ASIC2: variants seen among roughly 807,000 people sequenced by gnomAD.
The protein encoded by ASIC2 is acid-sensing ion channel 2.
A neutral mutation model predicts 57.3 loss-of-function variants in ASIC2; 25 were observed. The observed-to-expected ratio is 0.44, with a 90% CI of 0.32 to 0.61. The LOEUF is 0.61. ASIC2 is among the 20% of genes least tolerant of loss of function. The pLI is 0.06. For synonymous variants in ASIC2, 319 were observed against 307.5 expected, an observed-to-expected ratio of 1.04 and a Z score of -0.39; for missense variants, 641 against 738.1, an observed-to-expected ratio of 0.87 and a Z score of 1.52.
chr17:33,576,467 T>G (rs1453605845), intron 1 of ASIC2, among the ~76,000 whole-genome samples: 2 of 152,316 alleles, frequency 1.3e-5, no homozygotes, highest in Non-Finnish European at 2.9e-5. Flanking sequence ...TCTTTCTTTT[T>G]CATTCATTCT....
intron 1 of ASIC2, among the ~76,000 whole-genome samples, chr17:33,158,434 G>C (rs959271249): frequency 6.6e-6 from 1 of 152,202 alleles, no homozygotes; most frequent in African/African-American, 2.4e-5. Context: ...GGTCTAGGGG[G>C]TGAATGAAGG....
intron 4 of ASIC2, among the ~76,000 whole-genome samples, 158 bp from the exon 5 acceptor site, chr17:33,026,140 C>T (rs545920476): frequency 1.4e-4 from 21 of 152,344 alleles, no homozygotes; most frequent in African/African-American, 4.8e-4. Context: ...GATCACAGTG[C>T]ACCCCAGAGC....
rs1409476886 is a variant in ASIC2 at position 34,092,789 on chromosome 17, C to T, written c.555+63189G>A. ...AGCTGAAGCCCTCCATGGCTCTCTA[C>T]ATGACAATACTCTCCCCATCCTTCA... is the stretch of plus-strand genomic sequence containing the variant. On this transcript the variant is annotated intron_variant, in intron 1 of 9. Coordinates refer to the ASIC2 transcript ENST00000359872. Among the ~76,000 whole-genome samples the T allele has an allele frequency of 3.3e-5, 5 of 152,308 alleles. No individual in the cohort carries two copies. In the East Asian group the frequency reaches 5.8e-4, roughly 18 times the overall value.
At chr17:33,576,485 T>C (rs996858285) in intron 1 of ASIC2, among the ~76,000 whole-genome samples, 4 of 152,216 alleles carry the variant, frequency 2.6e-5, no homozygotes, top group Non-Finnish European at 4.4e-5. Context: ...TCTTAATTTA[T>C]GGCAGAAAAA....
intron 1 of ASIC2, among the ~76,000 whole-genome samples, chr17:34,142,547 A>G (rs1182609139): frequency 6.6e-6 from 1 of 152,248 alleles, no homozygotes; most frequent in African/African-American, 2.4e-5. Flanking sequence ...AAAGTTGTAT[A>G]CAATTGTAGT....
chr17:33,092,646 G>A (rs1223176490), intron 2 of ASIC2, among the ~76,000 whole-genome samples: 1 of 152,240 alleles, frequency 6.6e-6, no homozygotes, highest in African/African-American at 2.4e-5. Context: ...CTTGCCCAAG[G>A]TCAGACAGCA....
chr17:33,746,365 T>C (rs1183947100), intron 1 of ASIC2, among the ~76,000 whole-genome samples: 1 of 148,776 alleles, frequency 6.7e-6, no homozygotes, highest in African/African-American at 2.5e-5. Flanking sequence ...CCTATATATG[T>C]AGATATACAT....
chr17:33,738,981 G>A (rs10512453), intron 1 of ASIC2, among the ~76,000 whole-genome samples: 14,080 of 152,184 alleles, frequency 0.093, 661 homozygotes, highest in Admixed American at 0.098. Context: ...ATTTAACCAC[G>A]ATGATTCTTT....
intron 1 of ASIC2, among the ~76,000 whole-genome samples, chr17:33,867,589 A>G (rs1182397296): frequency 6.6e-6 from 1 of 152,220 alleles, no homozygotes; most frequent in Non-Finnish European, 1.5e-5. Context: ...GAGGGTTATC[A>G]CAGATGCAGG....
intron 1 of ASIC2, among the ~76,000 whole-genome samples, chr17:33,972,073 G>T (rs1905241826): frequency 6.6e-6 from 1 of 152,084 alleles, no homozygotes; most frequent in South Asian, 2.1e-4. Flanking sequence ...TACAGATAAA[G>T]AAACAAAGTC....
intron 1 of ASIC2, among the ~76,000 whole-genome samples, chr17:33,953,843 A>T (rs908027471): frequency 2.0e-5 from 3 of 152,154 alleles, no homozygotes; most frequent in African/African-American, 7.2e-5. Context: ...AAGTATATTA[A>T]GAGGAAGGAT....
chr17:33,242,718 A>G (rs1908551603), intron 1 of ASIC2, among the ~76,000 whole-genome samples: 1 of 152,128 alleles, frequency 6.6e-6, no homozygotes, highest in South Asian at 2.1e-4. Context: ...CGCCTCCATA[A>G]AACACCTATT....
At chr17:33,965,026 C>T (rs766896450) in intron 1 of ASIC2, among the ~76,000 whole-genome samples, 9 of 152,174 alleles carry the variant, frequency 5.9e-5, no homozygotes, top group Non-Finnish European at 1.0e-4. Flanking sequence ...TTCCAAGAGC[C>T]TCTGAATCCC....
chr17:34,011,587 C>T (rs541582208), intron 1 of ASIC2, among the ~76,000 whole-genome samples: 19 of 152,180 alleles, frequency 1.2e-4, no homozygotes, highest in African/African-American at 3.6e-4. Flanking sequence ...TTCCCTTTGC[C>T]GCTGAGCTCC....
At chr17:33,826,111 T>C (rs986554125) in intron 1 of ASIC2, among the ~76,000 whole-genome samples, 16 of 152,180 alleles carry the variant, frequency 1.1e-4, no homozygotes, top group African/African-American at 3.9e-4. Flanking sequence ...CCAATTCCCT[T>C]TTGGGAATTC....
In ASIC2 at chr17:33,579,263, G is replaced by A. The variant is rs537808450; in HGVS notation, c.556-467196C>T. ...ATCACACCATTGCACTCCAGCCTGG[G>A]TAGCACGAATGAAACTGTGTCTCAA... On this transcript the variant is annotated intron_variant, in intron 1 of 9. Transcript: ENST00000359872. Among the ~76,000 whole-genome samples, 10 of 141,772 alleles carry A rather than the reference G, an allele frequency of 7.1e-5. No homozygotes were observed. The East Asian group carries it at 1.6e-3, about 23-fold the overall frequency. The allele number at this position is 141,772 out of a possible 152,430, so 93.0% of individuals were successfully genotyped here.
chr17:33,470,245 C>A (rs1913003624), intron 1 of ASIC2, among the ~76,000 whole-genome samples: 1 of 152,152 alleles, frequency 6.6e-6, no homozygotes, highest in South Asian at 2.1e-4. Context: ...ATGGACAAGT[C>A]TCTAAACTAA....
chr17:33,670,395 C>A (rs886590323), intron 1 of ASIC2, among the ~76,000 whole-genome samples: 36 of 152,138 alleles, frequency 2.4e-4, no homozygotes, highest in African/African-American at 8.2e-4. Flanking sequence ...ATCTTCAGGA[C>A]CAAGAATGTT....
chr17:33,550,126 G>T (rs1915702331), intron 1 of ASIC2, among the ~76,000 whole-genome samples: 1 of 96,998 alleles, frequency 1.0e-5, no homozygotes, highest in Non-Finnish European at 2.0e-5. Context: ...GTCCAGTCCA[G>T]CTCAGTGGAG....
Sources: allele counts gnomAD v4.1 joint callset (sites outside exome capture counted in the v4.1 genomes callset), GRCh38; gene constraint gnomAD v4.1.1; transcripts MANE v1.5; gene names NCBI Gene and HGNC (gene_info 2026-07-23, HGNC 2026-07-21).